The following PNPLA1 variants were observed in gnomAD, a reference collection of about 807,000 sequenced individuals.
PNPLA1 encodes the protein omega-hydroxyceramide transacylase.
PNPLA1 carries 36 observed loss-of-function variants against 51.7 expected under a neutral mutation model. The observed-to-expected ratio is 0.70, with a 90% CI of 0.53 to 0.92. The LOEUF (loss-of-function observed/expected upper bound fraction) is 0.92, where lower values mean the gene tolerates loss of function less well. Among genes scored for constraint, PNPLA1 ranks in the 40% least tolerant of loss-of-function variants. The probability of loss-of-function intolerance (pLI) is 0.00; values close to 1 mark genes in which losing one functional copy is unlikely to be tolerated. For synonymous variants in PNPLA1, 293 were observed against 280.1 expected (o/e 1.05, Z -0.46); for missense variants, 658 against 682.5 (o/e 0.96, Z 0.40).
At chr6:36,249,221 G>A (rs1228783729) in intron 1 of PNPLA1, among the ~76,000 whole-genome samples, 3 of 152,082 alleles carry the variant, frequency 2.0e-5, no homozygotes, top group Non-Finnish European at 4.4e-5. Flanking sequence ...AAGTCATCTC[G>A]GTACATCCCA....
intron 1 of PNPLA1, among the ~76,000 whole-genome samples, chr6:36,250,391 G>A (rs968901713): frequency 2.0e-4 from 30 of 152,180 alleles, no homozygotes; most frequent in African/African-American, 6.5e-4. Flanking sequence ...ATGGTGTAAG[G>A]CTGGAAAGAG....
rs752011907 is a variant in PNPLA1 at position 36,301,974 on chromosome 6, C to G, written c.889C>G (p.Leu297Val). ...GTGCCCTGAACGCAGTCAACCAAGC[C>G]TTCGAGCACGGCAGGCCAGTCTGGA... ...NECPERSQPSLRARQASLEGA... is the reference protein window; with the variant it reads ...NECPERSQPSVRARQASLEGA... Residue 297 changes from leucine (L) to valine (V), a missense_variant, in exon 6 of 9, where the codon CTT becomes GTT. Coordinates refer to ENST00000636260, the MANE Select transcript of PNPLA1 (RefSeq NM_001374623.1). 4 of 1,614,200 alleles carry G rather than the reference C, an allele frequency of 2.5e-6. No homozygotes were observed. Among genetic ancestry groups the G allele is most frequent in the African/African-American group, 2.7e-5 (2 of 75,038 alleles).
At chr6:36,297,858 C>T (rs913075022) in intron 5 of PNPLA1, among the ~76,000 whole-genome samples, 1 of 103,240 alleles carries the variant, frequency 9.7e-6, no homozygotes, top group African/African-American at 4.2e-5. Flanking sequence ...GTGACTCTGT[C>T]TCTCTGTACA....
At chr6:36,258,842 G>A (rs1330178329) in intron 1 of PNPLA1, among the ~76,000 whole-genome samples, 1 of 152,194 alleles carries the variant, frequency 6.6e-6, no homozygotes, top group African/African-American at 2.4e-5. Context: ...ATGAAGGTTT[G>A]CATTGTCGCT....
At chr6:36,282,211 A>AC (rs1770333600) in intron 1 of PNPLA1, among the ~76,000 whole-genome samples, 1 of 11,274 alleles carries the variant, frequency 8.9e-5, no homozygotes, top group Non-Finnish European at 2.4e-4. Context: ...GAAGGAAGGA[A>AC]GGGAAGGAAG....
At chr6:36,254,613 A>G (rs548696478) in intron 1 of PNPLA1, among the ~76,000 whole-genome samples, 11 of 152,114 alleles carry the variant, frequency 7.2e-5, no homozygotes, top group Admixed American at 4.6e-4. Flanking sequence ...GAAAAAGAAA[A>G]GAATGGGCCA....
At chr6:36,297,885 CACA>C (rs1770907290) in intron 5 of PNPLA1, among the ~76,000 whole-genome samples, 1 of 141,778 alleles carries the variant, frequency 7.1e-6, no homozygotes, top group Admixed American at 7.4e-5. Context: ...CACACACACA[CACA>C]CCCTGTGAAA....
At chr6:36,288,180 G>A (rs1217504789) in intron 1 of PNPLA1, among the ~76,000 whole-genome samples, 1 of 152,154 alleles carries the variant, frequency 6.6e-6, no homozygotes, top group Non-Finnish European at 1.5e-5. Flanking sequence ...TAAGTATATG[G>A]ATAAAGAAGC....
At chr6:36,262,922 C>A (rs913104177) in intron 1 of PNPLA1, among the ~76,000 whole-genome samples, 21 of 152,100 alleles carry the variant, frequency 1.4e-4, no homozygotes, top group African/African-American at 4.8e-4. Context: ...TTTAAAAATT[C>A]TTTGCATATA....
intron 2 of PNPLA1, among the ~76,000 whole-genome samples, chr6:36,292,680 C>G (rs1770725290): frequency 2.6e-5 from 4 of 152,222 alleles, no homozygotes; most frequent in Non-Finnish European, 5.9e-5. Context: ...CTCACTCCCT[C>G]TCATAGGGCA....
intron 6 of PNPLA1, among the ~76,000 whole-genome samples, chr6:36,302,863 T>G (rs182796268): frequency 2.0e-5 from 3 of 152,210 alleles, no homozygotes; most frequent in Non-Finnish European, 4.4e-5. Context: ...GCCAGTAGAT[T>G]TTTACTGTGA....
At chr6:36,302,835 C>T (rs1771109919) in intron 6 of PNPLA1, among the ~76,000 whole-genome samples, 1 of 152,102 alleles carries the variant, frequency 6.6e-6, no homozygotes, top group African/African-American at 2.4e-5. Context: ...TTTGCCTGCT[C>T]ACATTTGAGA....
At chr6:36,265,615 A>G (rs1582040130), upstream of PNPLA1, among the ~76,000 whole-genome samples, 1 of 152,188 alleles carries the variant, frequency 6.6e-6, no homozygotes, top group Non-Finnish European at 1.5e-5. Context: ...ACATTTTACT[A>G]GAAATATTTA....
intron 1 of PNPLA1, among the ~76,000 whole-genome samples, chr6:36,273,253 A>ATAAG: frequency 1.0e-5 from 1 of 98,062 alleles, no homozygotes; most frequent in South Asian, 2.7e-4. Flanking sequence ...TAAATAAATA[A>ATAAG]TAAATAAATA....
upstream of PNPLA1, among the ~76,000 whole-genome samples, chr6:36,269,327 C>T (rs1277929435): frequency 1.3e-5 from 2 of 152,136 alleles, no homozygotes; most frequent in Non-Finnish European, 2.9e-5. Flanking sequence ...GTGAGAACCA[C>T]TCCTCCCCAT....
chr6:36,290,231 A>C (rs1309201562), intron 1 of PNPLA1, among the ~76,000 whole-genome samples: 1 of 152,210 alleles, frequency 6.6e-6, no homozygotes, highest in Non-Finnish European at 1.5e-5. Flanking sequence ...TATTTTACAA[A>C]TAAATGTTTG....
At chr6:36,291,012 G>A (rs1269440614) in intron 1 of PNPLA1, among the ~76,000 whole-genome samples, 1 of 152,186 alleles carries the variant, frequency 6.6e-6, no homozygotes, top group Non-Finnish European at 1.5e-5. Context: ...GGGCTAAAGT[G>A]TTCCTTTAGC....
At chr6:36,287,763 CACACACA>C (rs1203311387) in intron 1 of PNPLA1, among the ~76,000 whole-genome samples, 1 of 47,146 alleles carries the variant, frequency 2.1e-5, no homozygotes, top group African/African-American at 7.0e-5. Flanking sequence ...GAAACACACA[CACACACA>C]CACACACACA....
intron 1 of PNPLA1, among the ~76,000 whole-genome samples, chr6:36,288,693 C>A (rs1246870238): frequency 6.6e-6 from 1 of 151,928 alleles, no homozygotes; most frequent in African/African-American, 2.4e-5. Flanking sequence ...CTCCTGACCT[C>A]ATGATCCACC....
Sources: gnomAD v4.1 joint callset for allele counts (sites outside exome capture counted in the v4.1 genomes callset) on GRCh38, gnomAD v4.1.1 for gene constraint, MANE v1.5 for transcripts, NCBI Gene and HGNC (gene_info 2026-07-23, HGNC 2026-07-21) for gene names.